INPP4B: variants seen among roughly 807,000 people sequenced by gnomAD.
The protein encoded by INPP4B is inositol polyphosphate-4-phosphatase type II B, also known as inositol polyphosphate 4-phosphatase type II.
INPP4B carries 55 observed loss-of-function variants against 122.5 expected under a neutral mutation model. The ratio of observed to expected loss-of-function variants is 0.45; its 90% confidence interval spans 0.36 to 0.56. INPP4B has a LOEUF of 0.56. INPP4B is among the 20% of genes least tolerant of loss of function. The probability of loss-of-function intolerance (pLI) is 0.00; values close to 1 mark genes in which losing one functional copy is unlikely to be tolerated. For synonymous variants in INPP4B, 403 were observed against 388.7 expected (o/e 1.04, Z -0.43); for missense variants, 1,000 against 1,097.7 (o/e 0.91, Z 1.26).
At chr4:142,357,587 T>C (rs1784026236) in intron 7 of INPP4B, among the ~76,000 whole-genome samples, 1 of 151,944 alleles carries the variant, frequency 6.6e-6, no homozygotes, top group Admixed American at 6.6e-5. Context: ...GTGAAACCTA[T>C]AGATTATGGG....
intron 1 of INPP4B, among the ~76,000 whole-genome samples, chr4:142,836,316 A>G (rs1201216074): frequency 6.6e-6 from 1 of 152,056 alleles, no homozygotes; most frequent in African/African-American, 2.4e-5. Flanking sequence ...AGAAGAAGGT[A>G]TCAATCCTAT....
At chr4:142,645,693 T>C (rs1473806105) in intron 2 of INPP4B, among the ~76,000 whole-genome samples, 1 of 152,158 alleles carries the variant, frequency 6.6e-6, no homozygotes, top group Non-Finnish European at 1.5e-5. Context: ...GTTCCTGCCA[T>C]TGGAACGGTT....
At chr4:142,732,013 C>G (rs893445170) in intron 1 of INPP4B, among the ~76,000 whole-genome samples, 1 of 152,086 alleles carries the variant, frequency 6.6e-6, no homozygotes, top group African/African-American at 2.4e-5. Context: ...GGCCCATTAT[C>G]CCCATCATCA....
chr4:142,708,994 T>C (rs959510066), intron 2 of INPP4B, among the ~76,000 whole-genome samples: 5 of 151,992 alleles, frequency 3.3e-5, no homozygotes, highest in African/African-American at 1.2e-4. Flanking sequence ...GGGGCAGAGA[T>C]GACCAATGCC....
At chr4:142,649,477 A>C (rs964669288) in intron 2 of INPP4B, among the ~76,000 whole-genome samples, 3 of 152,218 alleles carry the variant, frequency 2.0e-5, no homozygotes, top group Admixed American at 2.0e-4. Context: ...AACCTTGATA[A>C]AAGGTTATAT....
chr4:142,199,751 A>G (rs1839886884), intron 14 of INPP4B, among the ~76,000 whole-genome samples: 1 of 152,008 alleles, frequency 6.6e-6, no homozygotes, highest in Admixed American at 6.6e-5. Flanking sequence ...GTTTGTCATT[A>G]GACTTAGGTT....
chr4:142,301,679 C>A (rs1467478578), intron 9 of INPP4B, among the ~76,000 whole-genome samples: 4 of 152,090 alleles, frequency 2.6e-5, no homozygotes, highest in Admixed American at 2.0e-4. Flanking sequence ...TTAACTCTAC[C>A]CCTGTACTTA....
intron 2 of INPP4B, among the ~76,000 whole-genome samples, chr4:142,691,331 T>G (rs964234988): frequency 2.7e-5 from 4 of 150,102 alleles, no homozygotes; most frequent in African/African-American, 1.0e-4. Flanking sequence ...GGGCAAAGTT[T>G]TTTTTTTTTT....
intron 2 of INPP4B, among the ~76,000 whole-genome samples, chr4:142,654,208 C>T (rs966661397): frequency 1.3e-5 from 2 of 151,858 alleles, no homozygotes; most frequent in African/African-American, 4.8e-5. Context: ...ACATCACACA[C>T]CAGGGCCTGT....
At chr4:142,357,104 A>G (rs776535189) in intron 7 of INPP4B, among the ~76,000 whole-genome samples, 39 of 152,012 alleles carry the variant, frequency 2.6e-4, no homozygotes, top group Non-Finnish European at 4.7e-4. Flanking sequence ...ATCCTTTAAA[A>G]TATCCTTTGT....
At chr4:142,480,691 G>A (rs528518708) in intron 2 of INPP4B, among the ~76,000 whole-genome samples, 10 of 152,242 alleles carry the variant, frequency 6.6e-5, no homozygotes, top group South Asian at 4.1e-4. Flanking sequence ...TGGGTAAAGC[G>A]AATGAGTTGA....
At chr4:142,573,143 A>G (rs1488990403) in intron 2 of INPP4B, among the ~76,000 whole-genome samples, 2 of 151,962 alleles carry the variant, frequency 1.3e-5, no homozygotes, top group Non-Finnish European at 2.9e-5. Context: ...GGAGAGAGAG[A>G]GAGCAAGAGC....
chr4:142,527,077 T>C (rs921942504), intron 2 of INPP4B, among the ~76,000 whole-genome samples: 1 of 151,984 alleles, frequency 6.6e-6, no homozygotes, highest in Non-Finnish European at 1.5e-5. Context: ...AATTTTGTAA[T>C]AGAAAATTTA....
chr4:142,521,125 G>A (rs1359050043), intron 2 of INPP4B, among the ~76,000 whole-genome samples: 1 of 151,618 alleles, frequency 6.6e-6, no homozygotes, highest in African/African-American at 2.4e-5. Context: ...TTTGGTCTCG[G>A]TATCAAAGAG....
chr4:142,052,670 G>A (rs80320220), intron 25 of INPP4B, among the ~76,000 whole-genome samples: 3,668 of 109,364 alleles, frequency 0.034, 59 homozygotes, highest in Non-Finnish European at 0.054. Flanking sequence ...TTGGCAAATG[G>A]GAACCATATT....
At chr4:142,696,346 C>T (rs1412296354) in intron 2 of INPP4B, among the ~76,000 whole-genome samples, 4 of 152,266 alleles carry the variant, frequency 2.6e-5, no homozygotes, top group Non-Finnish European at 5.9e-5. Flanking sequence ...CACCTTGTTC[C>T]ATAACTGTGC....
intron 2 of INPP4B, among the ~76,000 whole-genome samples, chr4:142,536,566 C>T (rs1391653434): frequency 6.6e-6 from 1 of 152,088 alleles, no homozygotes; most frequent in African/African-American, 2.4e-5. Flanking sequence ...GGCAGCTGCA[C>T]GTAGAGTGGT....
intron 6 of INPP4B, 25 bp downstream of exon 6, chr4:142,405,180 AT>A: frequency 7.7e-7 from 1 of 1,292,608 alleles, no homozygotes; most frequent in Non-Finnish European, 1.1e-6. Context: ...AGAGAGAGAG[AT>A]TAATGTAGGC....
chr4:142,242,061 G>A (rs554665417), intron 11 of INPP4B, among the ~76,000 whole-genome samples: 2 of 152,200 alleles, frequency 1.3e-5, no homozygotes, highest in South Asian at 4.2e-4. Flanking sequence ...TAATTATTCA[G>A]CTAAATGTAT....
Sources: gnomAD v4.1 joint callset for allele counts (sites outside exome capture counted in the v4.1 genomes callset) on GRCh38, gnomAD v4.1.1 for gene constraint, MANE v1.5 for transcripts, NCBI Gene and HGNC (gene_info 2026-07-23, HGNC 2026-07-21) for gene names.